The following ADAMTS18 variants were observed in gnomAD, a reference collection of about 807,000 sequenced individuals.
ADAMTS18 encodes ADAM metallopeptidase with thrombospondin type 1 motif 18.
In ADAMTS18, 157 loss-of-function variants were observed where a neutral mutation model predicts 165.9. The ratio of observed to expected loss-of-function variants is 0.95; its 90% CI spans 0.83 to 1.08. ADAMTS18 has a LOEUF of 1.08. ADAMTS18 is among the 50% of genes least tolerant of loss of function. ADAMTS18 has a pLI of 0.00. For missense variants in ADAMTS18, 2,040 were observed against 1,534.0 expected (o/e 1.33, Z -5.51); for synonymous variants, 782 against 578.2 (o/e 1.35, Z -5.06).
chr16:77,352,786 T>C (rs1302280624), intron 10 of ADAMTS18, among the ~76,000 whole-genome samples: 2 of 152,116 alleles, frequency 1.3e-5, no homozygotes, highest in African/African-American at 2.4e-5. Flanking sequence ...TCTTTGGATA[T>C]TGGGAATAAA....
At chr16:77,366,508 G>C (rs2056796498) in intron 4 of ADAMTS18, among the ~76,000 whole-genome samples, 2 of 152,310 alleles carry the variant, frequency 1.3e-5, no homozygotes, top group South Asian at 2.1e-4. Flanking sequence ...GCAGTGAGCA[G>C]AGATCGCGCC....
chr16:77,385,758 G>A (rs1265402103), intron 3 of ADAMTS18, among the ~76,000 whole-genome samples: 1 of 152,176 alleles, frequency 6.6e-6, no homozygotes, highest in Non-Finnish European at 1.5e-5. Context: ...CTCTCCCAGG[G>A]GTGGGGTGGA....
chr16:77,382,733 T>G (rs1375764623), intron 3 of ADAMTS18, among the ~76,000 whole-genome samples: 1 of 152,188 alleles, frequency 6.6e-6, no homozygotes, highest in African/African-American at 2.4e-5. Flanking sequence ...TGGTGAACTG[T>G]GAATGACCAA....
chr16:77,383,440 C>A (rs1445698053), intron 3 of ADAMTS18, among the ~76,000 whole-genome samples: 1 of 152,020 alleles, frequency 6.6e-6, no homozygotes, highest in Non-Finnish European at 1.5e-5. Context: ...ATAAAAAAGC[C>A]AAGTTCCCAT....
In ADAMTS18 at chr16:77,371,772, G is replaced by T. The variant is rs556274283; in HGVS notation, c.496-4049C>A. On this transcript the variant is annotated intron_variant, in intron 3 of 22. Transcript: ENST00000282849. Reference sequence around the variant, plus strand: ...CAACAAAAGCAAAAACAGAGAAATGGAAGTGTATCAATCTAAAAAGCCTCT... The same window carrying T: ...CAACAAAAGCAAAAACAGAGAAATGTAAGTGTATCAATCTAAAAAGCCTCT... 2.6e-5 allele frequency among the ~76,000 whole-genome samples: 4 copies of T among 152,170 alleles called. No individual in the cohort carries two copies. The South Asian group carries it at 8.3e-4, about 32-fold the overall frequency.
intron 3 of ADAMTS18, among the ~76,000 whole-genome samples, chr16:77,406,008 T>A (rs4888627): frequency 0.18 from 27,509 of 152,120 alleles, 3,201 homozygotes; most frequent in Non-Finnish European, 0.27. Flanking sequence ...AAAATCCACA[T>A]TTTTCAATTC....
chr16:77,376,946 C>T (rs2056962933), intron 3 of ADAMTS18, among the ~76,000 whole-genome samples: 1 of 151,374 alleles, frequency 6.6e-6, no homozygotes, highest in South Asian at 2.1e-4. Flanking sequence ...TCCTGAGTAG[C>T]TGGGCTTACA....
chr16:77,402,855 C>T (rs2057348366), intron 3 of ADAMTS18, among the ~76,000 whole-genome samples: 1 of 152,144 alleles, frequency 6.6e-6, no homozygotes, highest in East Asian at 1.9e-4. Context: ...AGGTTGAATG[C>T]CCTGAATTTT....
intron 13 of ADAMTS18, among the ~76,000 whole-genome samples, chr16:77,323,135 T>A (rs534873645): frequency 1.8e-4 from 28 of 152,130 alleles, no homozygotes; most frequent in African/African-American, 6.7e-4. Flanking sequence ...TAAAAAAAAA[T>A]TATATTTATA....
At chr16:77,340,416 C>T (rs1414311366) in intron 11 of ADAMTS18, among the ~76,000 whole-genome samples, 1 of 152,150 alleles carries the variant, frequency 6.6e-6, no homozygotes, top group Non-Finnish European at 1.5e-5. Context: ...CTCAAGGGAT[C>T]CACCCACCTT....
intron 11 of ADAMTS18, among the ~76,000 whole-genome samples, chr16:77,336,358 A>G (rs548983532): frequency 6.6e-6 from 1 of 152,346 alleles, no homozygotes; most frequent in East Asian, 1.9e-4. Flanking sequence ...TCATTCATGA[A>G]GTAACAGTTA....
chr16:77,390,346 T>A (rs1325279824), intron 3 of ADAMTS18, among the ~76,000 whole-genome samples: 1 of 152,198 alleles, frequency 6.6e-6, no homozygotes, highest in Non-Finnish European at 1.5e-5. Flanking sequence ...TGCAGGTAAC[T>A]GTGTAGATCA....
intron 3 of ADAMTS18, among the ~76,000 whole-genome samples, chr16:77,408,631 C>T (rs2057421924): frequency 6.6e-6 from 1 of 151,998 alleles, no homozygotes; most frequent in South Asian, 2.1e-4. Context: ...TGCATGTATA[C>T]AAAGTTCAAA....
chr16:77,434,877 G>GCC lies in ADAMTS18; in HGVS notation c.-184_-183dup. 2 of 453,814 alleles carry GCC rather than the reference G, an allele frequency of 4.4e-6. No individual in the cohort carries two copies. Among genetic ancestry groups the GCC allele is most frequent in the Non-Finnish European group, 7.2e-6 (2 of 276,292 alleles). 28.1% of individuals were successfully genotyped at this position (453,814 alleles called of 1,614,324 possible). A position where few individuals can be genotyped will look rare whatever the true frequency, so the allele number is the denominator to read the frequency against. On this transcript the variant is annotated 5_prime_UTR_variant, in exon 1 of 23. Coordinates refer to ENST00000282849, the MANE Select transcript of ADAMTS18 (RefSeq NM_199355.4). Reference sequence around the variant, plus strand: ...CCTCCCCTCCTCCGGCCGCCTGCGCGCCCTCCCTTCTCCCGGCGCGGGCCT... The same window carrying GCC: ...CCTCCCCTCCTCCGGCCGCCTGCGCGCCCCCTCCCTTCTCCCGGCGCGGGCCT...
chr16:77,328,739 T>A (rs906629587), intron 12 of ADAMTS18, among the ~76,000 whole-genome samples: 5 of 152,222 alleles, frequency 3.3e-5, no homozygotes, highest in African/African-American at 1.2e-4. Context: ...CGAATAAACC[T>A]CATTTGGGCT....
chr16:77,319,566 A>G lies in ADAMTS18; in HGVS notation c.2532+283T>C, dbSNP rs566618517. 4.2e-4 allele frequency among the ~76,000 whole-genome samples: 64 copies of G among 152,082 alleles called. 1 individual carries two copies. Among genetic ancestry groups the G allele is most frequent in the African/African-American group, 1.5e-3 (64 of 41,462 alleles). ...AAGCAATTCTCCCGCCTCAGCCCCC[A>G]CTAATAGCTGGGATTACAGGCGCGT... On this transcript the variant is annotated intron_variant, in intron 16 of 22. Transcript: ENST00000282849.
intron 3 of ADAMTS18, among the ~76,000 whole-genome samples, chr16:77,377,424 T>A (rs1481392126): frequency 6.6e-6 from 1 of 152,266 alleles, no homozygotes; most frequent in Non-Finnish European, 1.5e-5. Flanking sequence ...ATCCCACTAT[T>A]TCTACCTATT....
intron 3 of ADAMTS18, among the ~76,000 whole-genome samples, chr16:77,388,702 C>G (rs2057143687): frequency 6.6e-6 from 1 of 152,170 alleles, no homozygotes; most frequent in Admixed American, 6.5e-5. Context: ...TCATTTGCTG[C>G]TTCACGGTCT....
chr16:77,316,491 T>G (rs1445153908), intron 16 of ADAMTS18, among the ~76,000 whole-genome samples: 1 of 152,044 alleles, frequency 6.6e-6, no homozygotes, highest in Non-Finnish European at 1.5e-5. Context: ...CCCTCTTCCT[T>G]GACATCCTGA....
Sources: allele counts gnomAD v4.1 joint callset (sites outside exome capture counted in the v4.1 genomes callset), GRCh38; gene constraint gnomAD v4.1.1; transcripts MANE v1.5; gene names NCBI Gene and HGNC (gene_info 2026-07-23, HGNC 2026-07-21).